Variants in BNIP2 observed in about 807,000 individuals in gnomAD.
BNIP2 encodes BCL2/adenovirus E1B 19 kDa protein-interacting protein 2.
Under a neutral mutation model 43.4 loss-of-function variants are expected in BNIP2, and 36 were observed. The observed-to-expected ratio is 0.83, with a 90% confidence interval of 0.64 to 1.10. The LOEUF is 1.10. Ranked by LOEUF, BNIP2 falls within the 50% of genes least tolerant of loss-of-function variation. The pLI, the probability that BNIP2 is intolerant of heterozygous loss-of-function variation, is 0.00. For synonymous variants in BNIP2, 146 were observed against 121.0 expected (o/e 1.21, Z -1.35); for missense variants, 417 against 374.1 (o/e 1.11, Z -0.95).
intron 1 of BNIP2, among the ~76,000 whole-genome samples, chr15:59,683,356 G>A (rs1220783878): frequency 6.6e-6 from 1 of 152,180 alleles, no homozygotes; most frequent in Non-Finnish European, 1.5e-5. Context: ...ACTATAGAAG[G>A]AAAGAGGTAT....
Position 59,669,364 on chromosome 15 carries a change from T to C in BNIP2, c.708-2A>G, listed in dbSNP as rs1892760782. The C allele has an allele frequency of 2.0e-6, 3 of 1,495,416 alleles. No homozygotes were observed. Among genetic ancestry groups the C allele is most frequent in the Non-Finnish European group, 1.8e-6 (2 of 1,121,722 alleles). 92.6% of individuals were successfully genotyped at this position (1,495,416 alleles called of 1,614,324 possible). On this transcript the variant is annotated splice_acceptor_variant, in intron 7 of 9. Transcript: ENST00000607373. LOFTEE classifies it high-confidence loss of function. ...AGGGATTTTAGATTTTTCCGTAACC[T>C]GGAGTTTAAAAAAAAAACACACACA...
At chr15:59,688,606 T>A (rs1323320123) in intron 1 of BNIP2, 15 of 1,172,296 alleles carry the variant, frequency 1.3e-5, no homozygotes, top group Non-Finnish European at 1.7e-5. Context: ...TGTGTCTAGA[T>A]TCACGCGGGG....
chr15:59,671,280 C>G lies in BNIP2; in HGVS notation c.610G>C (p.Glu204Gln). ...TTTAAATAAACTATCATGTAGTTTT[C>G]TGCTACTAATAGCTCCAAAGTGCCA... ...VIGTLELLVA[E>Q]NYMIVYLNGA... The change falls in exon 7 of 10, where the codon GAA becomes CAA. Residue 204 changes from glutamate to glutamine, a missense_variant. Physicochemically the swap from Glu to Gln is conservative, Grantham distance 29. Transcript: ENST00000607373. 1 of 1,595,536 alleles carries G rather than the reference C, an allele frequency of 6.3e-7. No homozygotes were observed. Among genetic ancestry groups the G allele is most frequent in the Non-Finnish European group, 8.5e-7 (1 of 1,169,782 alleles).
At chr15:59,688,791 A>G (rs774794791) in intron 1 of BNIP2, 103 of 1,535,264 alleles carry the variant, frequency 6.7e-5, no homozygotes, top group Non-Finnish European at 8.6e-5. Context: ...ATACTGAACC[A>G]TCGTAGCCCA....
At chr15:59,673,587 G>A (rs996051169) in intron 5 of BNIP2, among the ~76,000 whole-genome samples, 8 of 152,068 alleles carry the variant, frequency 5.3e-5, no homozygotes, top group African/African-American at 1.9e-4. Context: ...AAACATGCCT[G>A]GTTAACCTTT....
chr15:59,679,430 G>T, intron 4 of BNIP2, 162 bp downstream of exon 4: 1 of 720,320 alleles, frequency 1.4e-6, no homozygotes, highest in Admixed American at 3.6e-5. Flanking sequence ...AAAGCCACTG[G>T]TGTACTCTAT....
intron 4 of BNIP2, chr15:59,678,363 T>G: frequency 8.7e-7 from 1 of 1,146,386 alleles, no homozygotes. Flanking sequence ...AAATATAATT[T>G]GTAGAGTCAT....
chr15:59,682,349 C>T (rs1381372551), intron 2 of BNIP2, 59 bp downstream of exon 2: 22 of 1,486,204 alleles, frequency 1.5e-5, no homozygotes, highest in East Asian at 2.3e-5. Flanking sequence ...AGTAACATCT[C>T]GATAAAGAAA....
chr15:59,668,933 AAGTTCTGCT>A lies in BNIP2; in HGVS notation c.843_851del (p.Ala282_Leu284del), dbSNP rs1189597930. The A allele has an allele frequency of 4.3e-6, 7 of 1,613,808 alleles. No homozygotes were observed. The highest frequency in any genetic ancestry group is 5.9e-6 in the Non-Finnish European group (7 of 1,179,782). ...GTATGCCAACGTATTCCATGGGGAC[AAGTTCTGCT>A]AGTTCTGCCAAATTAAACACGTATC... On this transcript the variant is annotated inframe_deletion, in exon 9 of 10. Transcript: ENST00000607373.
intron 1 of BNIP2, 132 bp downstream of exon 1, chr15:59,689,003 C>T (rs1013867776): frequency 1.4e-6 from 2 of 1,443,706 alleles, no homozygotes; most frequent in Admixed American, 2.8e-5. Flanking sequence ...ATGGCTCCCC[C>T]TACCAAGGGT....
chr15:59,687,841 G>T (rs1235575146), intron 1 of BNIP2, among the ~76,000 whole-genome samples: 1 of 152,050 alleles, frequency 6.6e-6, no homozygotes, highest in African/African-American at 2.4e-5. Context: ...TGGGATGCAT[G>T]ACACTTGTGT....
chr15:59,682,085 T>C (rs1893714675), intron 2 of BNIP2, among the ~76,000 whole-genome samples: 1 of 152,062 alleles, frequency 6.6e-6, no homozygotes, highest in African/African-American at 2.4e-5. Context: ...TCCCAGCACT[T>C]TGGGAGGCCA....
At chr15:59,672,909 T>C (rs186647575) in intron 5 of BNIP2, among the ~76,000 whole-genome samples, 170 bp from the exon 6 acceptor site, 1 of 152,310 alleles carries the variant, frequency 6.6e-6, no homozygotes, top group Admixed American at 6.5e-5. Flanking sequence ...TTTTAATGTC[T>C]TCTTCCCAAA....
At chr15:59,668,039 G>T in intron 9 of BNIP2, 2 of 1,087,004 alleles carry the variant, frequency 1.8e-6, no homozygotes, top group South Asian at 1.4e-5. Flanking sequence ...AACCAATAAG[G>T]AAGAGTTAGT....
chr15:59,666,775 CAG>C (rs1485300652), intron 9 of BNIP2, among the ~76,000 whole-genome samples: 2 of 151,628 alleles, frequency 1.3e-5, no homozygotes, highest in Non-Finnish European at 2.9e-5. Context: ...CTACAAAAAA[CAG>C]AACGTTTTTG....
chr15:59,688,875 C>T (rs1217809652), intron 1 of BNIP2: 1 of 1,489,364 alleles, frequency 6.7e-7, no homozygotes, highest in Non-Finnish European at 8.9e-7. Context: ...AGCACAACTA[C>T]CAGAAACGGA....
chr15:59,680,183 G>A (rs1474420320), intron 3 of BNIP2, 58 bp downstream of exon 3: 2 of 1,236,956 alleles, frequency 1.6e-6, no homozygotes, highest in South Asian at 1.7e-5. Flanking sequence ...AAAGAAACGT[G>A]TTTTAAAAAA....
intron 9 of BNIP2, 25 bp from the exon 10 acceptor site, chr15:59,664,145 T>C (rs776790321): frequency 8.3e-6 from 12 of 1,440,266 alleles, no homozygotes; most frequent in Non-Finnish European, 1.1e-5. Context: ...ATATATAAAA[T>C]AAGAAACCAG....
intron 1 of BNIP2, among the ~76,000 whole-genome samples, chr15:59,684,468 C>A (rs985534251): frequency 6.6e-6 from 1 of 152,084 alleles, no homozygotes; most frequent in African/African-American, 2.4e-5. Context: ...CCAAACAATC[C>A]CCTCTGTTTA....
Sources: allele counts gnomAD v4.1 joint callset (sites outside exome capture counted in the v4.1 genomes callset), GRCh38; gene constraint gnomAD v4.1.1; transcripts MANE v1.5; gene names NCBI Gene and HGNC (gene_info 2026-07-23, HGNC 2026-07-21).